Variants in CA10 observed in about 807,000 individuals in gnomAD.
The protein encoded by CA10 is carbonic anhydrase 10 (inactive), also known as carbonic anhydrase-related protein 10.
Under a neutral mutation model 44.2 loss-of-function variants are expected in CA10, and 14 were observed. The ratio of observed to expected loss-of-function variants is 0.32; its 90% CI spans 0.21 to 0.50. CA10 has a LOEUF of 0.50. Ranked by LOEUF, CA10 falls within the 20% of genes least tolerant of loss-of-function variation. The pLI is 0.99. For synonymous variants in CA10, 159 were observed against 141.6 expected, an observed-to-expected ratio of 1.12 and a Z score of -0.87; for missense variants, 350 against 409.7, an observed-to-expected ratio of 0.85 and a Z score of 1.26.
intron 1 of CA10, chr17:52,134,741 G>C (rs922975073): frequency 3.5e-5 from 14 of 395,550 alleles, no homozygotes; most frequent in African/African-American, 2.9e-4. Context: ...ACAGTATTTT[G>C]CAATTCTCTG....
At chr17:51,985,152 A>T (rs1340464613) in intron 2 of CA10, among the ~76,000 whole-genome samples, 1 of 152,050 alleles carries the variant, frequency 6.6e-6, no homozygotes, top group Non-Finnish European at 1.5e-5. Flanking sequence ...CAACATATCA[A>T]AAAAATAATC....
intron 8 of CA10, among the ~76,000 whole-genome samples, chr17:51,633,062 G>T (rs1403675390): frequency 6.6e-6 from 1 of 152,070 alleles, no homozygotes; most frequent in Non-Finnish European, 1.5e-5. Context: ...TGTTCTAACA[G>T]ATAACCTTGG....
At chr17:51,917,647 A>G (rs1394425533) in intron 3 of CA10, among the ~76,000 whole-genome samples, 2 of 152,220 alleles carry the variant, frequency 1.3e-5, no homozygotes, top group African/African-American at 4.8e-5. Context: ...AACAAGAGCC[A>G]GTAAGGAAGA....
At chr17:52,055,683 A>T (rs2907782) in intron 2 of CA10, among the ~76,000 whole-genome samples, 151,366 of 152,202 alleles carry the variant, frequency 0.99, 75,268 homozygotes, top group East Asian at 1. Flanking sequence ...CGTTTCAGAC[A>T]GATGAGATGA....
chr17:52,157,521 T>G (rs1989829398), intron 1 of CA10, among the ~76,000 whole-genome samples: 1 of 128,636 alleles, frequency 7.8e-6, no homozygotes, highest in African/African-American at 3.2e-5. Flanking sequence ...TGCACACAGA[T>G]CCTAACCACC....
At chr17:51,826,751 G>C (rs1050434790) in intron 3 of CA10, among the ~76,000 whole-genome samples, 3 of 152,190 alleles carry the variant, frequency 2.0e-5, no homozygotes, top group Admixed American at 6.5e-5. Context: ...GAAGGAATAA[G>C]AAGCCAGGGT....
chr17:51,893,897 T>C (rs1408722325), intron 3 of CA10, among the ~76,000 whole-genome samples: 1 of 152,142 alleles, frequency 6.6e-6, no homozygotes, highest in Admixed American at 6.6e-5. Context: ...TTGAAAAATA[T>C]TTGTTACAAT....
At chr17:52,050,188 A>T (rs942802661) in intron 2 of CA10, among the ~76,000 whole-genome samples, 1 of 152,080 alleles carries the variant, frequency 6.6e-6, no homozygotes, top group Non-Finnish European at 1.5e-5. Flanking sequence ...ACCAATTCAG[A>T]CAATGGCACC....
At chr17:51,774,432 C>T (rs183851510) in intron 3 of CA10, among the ~76,000 whole-genome samples, 2 of 146,946 alleles carry the variant, frequency 1.4e-5, no homozygotes, top group African/African-American at 4.9e-5. Context: ...GGAAACCTTG[C>T]TTCATTTAAG....
chr17:51,837,792 ATTTTAT>A (rs1978292146), intron 3 of CA10, among the ~76,000 whole-genome samples: 1 of 152,176 alleles, frequency 6.6e-6, no homozygotes, highest in Admixed American at 6.5e-5. Flanking sequence ...TAACTTTTAA[ATTTTAT>A]TTTTGAGTCA....
At chr17:52,011,109 T>C (rs949666152) in intron 2 of CA10, among the ~76,000 whole-genome samples, 3 of 151,996 alleles carry the variant, frequency 2.0e-5, no homozygotes, top group African/African-American at 7.2e-5. Context: ...AAACTGGGAA[T>C]TGTATTGTGG....
At chr17:51,949,130 G>T (rs1022276447) in intron 2 of CA10, among the ~76,000 whole-genome samples, 1 of 152,024 alleles carries the variant, frequency 6.6e-6, no homozygotes, top group African/African-American at 2.4e-5. Context: ...TAAGTAATTG[G>T]GGCAGCAGGA....
At chr17:51,811,480 C>G (rs1341258832) in intron 3 of CA10, among the ~76,000 whole-genome samples, 2 of 152,176 alleles carry the variant, frequency 1.3e-5, no homozygotes, top group Non-Finnish European at 2.9e-5. Flanking sequence ...GTTCCCCACC[C>G]TGTGTCCAAG....
At chr17:51,871,911 C>T (rs940295684) in intron 3 of CA10, among the ~76,000 whole-genome samples, 2 of 152,008 alleles carry the variant, frequency 1.3e-5, no homozygotes, top group Admixed American at 1.3e-4. Flanking sequence ...AATGCAAATG[C>T]CAAGAAGAAT....
intron 5 of CA10, among the ~76,000 whole-genome samples, chr17:51,652,273 C>A (rs1410431433): frequency 6.6e-6 from 1 of 152,320 alleles, no homozygotes; most frequent in Non-Finnish European, 1.5e-5. Flanking sequence ...GAGTTTATTA[C>A]TAAACAACAA....
At chr17:52,085,648 G>A (rs1302664276) in intron 1 of CA10, among the ~76,000 whole-genome samples, 1 of 152,138 alleles carries the variant, frequency 6.6e-6, no homozygotes, top group African/African-American at 2.4e-5. Flanking sequence ...GTGCTCTCAT[G>A]GCATTTATTA....
chr17:52,042,853 A>T (rs1193389281), intron 2 of CA10, among the ~76,000 whole-genome samples: 2 of 152,174 alleles, frequency 1.3e-5, no homozygotes, highest in East Asian at 1.9e-4. Context: ...TTAAGAAACT[A>T]TCCTTTCCCT....
Position 51,931,075 on chromosome 17 carries a change from C to T in CA10, c.194G>A (p.Arg65Gln), listed in dbSNP as rs150982272. 3.0e-5 allele frequency: 48 copies of T among 1,613,624 alleles called. No individual in the cohort carries two copies. The highest frequency in any genetic ancestry group is 1.7e-4 in the Middle Eastern group (1 of 6,050). ...GGTCTCTATGTTGACTGGCGACTGC[C>T]GTTTCCCCACAGAGCAAAGATTCCA... ...SAWNLCSVGK[R>Q]QSPVNIETSH... is the part of the protein sequence containing the mutation. The change falls in exon 3 of 9, where the codon CGG becomes CAG. Residue 65 changes from arginine (R) to glutamine (Q), a missense_variant. By Grantham distance (43) the Arg-to-Gln change is conservative. Transcript: ENST00000451037.
chr17:52,051,210 C>A (rs2143046077), intron 2 of CA10, among the ~76,000 whole-genome samples: 1 of 151,964 alleles, frequency 6.6e-6, no homozygotes, highest in East Asian at 1.9e-4. Flanking sequence ...GGAAGACAAC[C>A]TAGGCAATAC....
Sources: gnomAD v4.1 joint callset for allele counts (sites outside exome capture counted in the v4.1 genomes callset) on GRCh38, gnomAD v4.1.1 for gene constraint, MANE v1.5 for transcripts, NCBI Gene and HGNC (gene_info 2026-07-23, HGNC 2026-07-21) for gene names.